DDX10: variants seen among roughly 807,000 people sequenced by gnomAD.
DDX10 encodes probable ATP-dependent RNA helicase DDX10.
In DDX10, 74 loss-of-function variants were observed where a neutral mutation model predicts 104.3. That is an observed-to-expected ratio of 0.71 (90% CI 0.59 to 0.86). DDX10 has a LOEUF of 0.86. DDX10 is among the 40% of genes least tolerant of loss of function. The pLI is 0.00. For missense variants in DDX10, 952 were observed against 1,040.0 expected, an observed-to-expected ratio of 0.92 and a Z score of 1.16; for synonymous variants, 351 against 353.4, an observed-to-expected ratio of 0.99 and a Z score of 0.08.
intron 15 of DDX10, among the ~76,000 whole-genome samples, chr11:108,848,607 A>C (rs972388209): frequency 6.6e-6 from 1 of 152,016 alleles, no homozygotes; most frequent in African/African-American, 2.4e-5. Flanking sequence ...TACTCTCATG[A>C]GCTTATAACA....
rs985313333 is a variant in DDX10, at chr11:108,671,944, C to G, written c.187-1523C>G. Among the ~76,000 whole-genome samples, 4 of 151,398 alleles carry G rather than the reference C, an allele frequency of 2.6e-5. No individual in the cohort carries two copies. In the East Asian group the frequency reaches 5.8e-4, roughly 22 times the overall value. On this transcript the variant is annotated intron_variant, in intron 1 of 17. Transcript: ENST00000322536. The stretch of plus-strand genomic sequence containing the variant: ...GGCGTGGTGGTGGGCGCCTGTAGCC[C>G]CAGCTACTTGGGAGGCTGAGGCAGG...
intron 13 of DDX10, among the ~76,000 whole-genome samples, chr11:108,774,932 A>G (rs1367084474): frequency 6.6e-6 from 1 of 152,174 alleles, no homozygotes; most frequent in African/African-American, 2.4e-5. Context: ...AGACATATCA[A>G]TTTATATGAC....
chr11:108,914,835 T>A (rs1351887139), intron 16 of DDX10, among the ~76,000 whole-genome samples: 4 of 144,324 alleles, frequency 2.8e-5, no homozygotes, highest in Admixed American at 6.9e-5. Flanking sequence ...TGGTAACCAT[T>A]AAAAAAAAAA....
chr11:108,731,832 C>G (rs2094312701), intron 13 of DDX10, among the ~76,000 whole-genome samples: 3 of 152,112 alleles, frequency 2.0e-5, no homozygotes, highest in Admixed American at 2.0e-4. Context: ...AAAATCAAAT[C>G]ATACATAAAA....
At position 108,838,580 on chromosome 11, in the gene DDX10, G is replaced by A. The variant is rs1046500751; in HGVS notation, c.2085+15G>A. 6.2e-7 allele frequency: 1 copy of A among 1,600,838 alleles called. No homozygotes were observed. The highest frequency in any genetic ancestry group is 8.5e-7 in the Non-Finnish European group (1 of 1,174,004). ...ATGAAGGGGAGGTAAGATTCTAGAAGTGTTTCATTTCTGAGGTGCATTTGG... is the reference window on the plus strand; with the variant it reads ...ATGAAGGGGAGGTAAGATTCTAGAAATGTTTCATTTCTGAGGTGCATTTGG... On this transcript the variant is annotated intron_variant, in intron 14 of 17. Coordinates refer to ENST00000322536, the MANE Select transcript of DDX10 (RefSeq NM_004398.4).
intron 13 of DDX10, among the ~76,000 whole-genome samples, chr11:108,803,795 A>ATAGGTTATTAT (rs1862059205): frequency 1.3e-5 from 2 of 152,286 alleles, no homozygotes; most frequent in South Asian, 4.1e-4. Flanking sequence ...TGTTGGTTAT[A>ATAGGTTATTAT]AAGTGATCTG....
rs543062068 is a variant in DDX10 at position 108,884,422 on chromosome 11, T to C, written c.2304+32213T>C. On this transcript the variant is annotated intron_variant, in intron 16 of 17. Coordinates refer to ENST00000322536, the MANE Select transcript of DDX10 (RefSeq NM_004398.4). ...GCACTCTGCCTGCTTCCCTCCTCCC[T>C]CCTTCGTTTCTCACCTTCTGCCTCT... Among the ~76,000 whole-genome samples, 3 of 152,150 alleles carry C rather than the reference T, an allele frequency of 2.0e-5. No homozygotes were observed. The South Asian group carries it at 6.2e-4, about 32-fold the overall frequency.
chr11:108,752,680 C>G lies in DDX10; in HGVS notation c.1965+29218C>G, dbSNP rs535104225. Among the ~76,000 whole-genome samples the G allele has an allele frequency of 3.3e-5, 5 of 152,226 alleles. 1 individual carries two copies. In the South Asian group the frequency reaches 1.0e-3, roughly 32 times the overall value. ...TGGTAGTAATTTATTGTGGAATAATCACAGTGGTATTTATTTGAGGTGGTT... is the reference window on the plus strand; with the variant it reads ...TGGTAGTAATTTATTGTGGAATAATGACAGTGGTATTTATTTGAGGTGGTT... On this transcript the variant is annotated intron_variant, in intron 13 of 17. Coordinates refer to ENST00000322536, the MANE Select transcript of DDX10 (RefSeq NM_004398.4).
intron 13 of DDX10, among the ~76,000 whole-genome samples, chr11:108,733,635 A>G (rs2094314963): frequency 1.3e-5 from 2 of 152,098 alleles, no homozygotes; most frequent in South Asian, 4.1e-4. Flanking sequence ...TTGCCTCGGT[A>G]TGATTGTGCT....
At chr11:108,717,830 G>A (rs1030373652) in intron 11 of DDX10, among the ~76,000 whole-genome samples, 1 of 152,092 alleles carries the variant, frequency 6.6e-6, no homozygotes, top group Non-Finnish European at 1.5e-5. Flanking sequence ...TGATTTGACT[G>A]TACAAATGGG....
chr11:108,689,207 C>A (rs1024326555), intron 7 of DDX10, 145 bp downstream of exon 7: 24 of 808,422 alleles, frequency 3.0e-5, no homozygotes, highest in Non-Finnish European at 3.9e-5. Flanking sequence ...GCAAAGGAAT[C>A]CGTGGCTGAG....
At chr11:108,740,413 G>A (rs947572788) in intron 13 of DDX10, among the ~76,000 whole-genome samples, 3 of 152,112 alleles carry the variant, frequency 2.0e-5, no homozygotes, top group Non-Finnish European at 2.9e-5. Flanking sequence ...TTGATTCCAT[G>A]TCTTTGCTAT....
intron 13 of DDX10, among the ~76,000 whole-genome samples, chr11:108,809,090 A>T (rs1007577010): frequency 1.3e-5 from 2 of 151,912 alleles, no homozygotes; most frequent in Non-Finnish European, 2.9e-5. Flanking sequence ...GGCAACTTTG[A>T]GTGATATATT....
chr11:108,820,026 G>A (rs1862305623), intron 13 of DDX10, among the ~76,000 whole-genome samples: 1 of 152,214 alleles, frequency 6.6e-6, no homozygotes, highest in Non-Finnish European at 1.5e-5. Context: ...GAAGAGTACA[G>A]CTTCAAAGCT....
intron 13 of DDX10, among the ~76,000 whole-genome samples, chr11:108,825,434 T>C (rs887287968): frequency 6.6e-6 from 1 of 152,230 alleles, no homozygotes; most frequent in Admixed American, 6.5e-5. Context: ...CCAGAAATCC[T>C]GAAGGAGGAA....
intron 16 of DDX10, among the ~76,000 whole-genome samples, chr11:108,907,286 G>A (rs1259882594): frequency 6.6e-6 from 1 of 150,630 alleles, no homozygotes; most frequent in Non-Finnish European, 1.5e-5. Context: ...TTACCTGTTT[G>A]TTCCTTGATA....
chr11:108,841,351 A>C lies in DDX10; in HGVS notation c.2122A>C (p.Ile708Leu), dbSNP rs201156444. 1 of 1,613,636 alleles carries C rather than the reference A, an allele frequency of 6.2e-7. No individual in the cohort carries two copies. Among genetic ancestry groups the C allele is most frequent in the Non-Finnish European group, 8.5e-7 (1 of 1,179,878 alleles). The change falls in exon 15 of 18, where the codon ATC (isoleucine) becomes CTC (leucine). Residue 708 changes from isoleucine to leucine, a missense_variant. This residue lies in a region of DDX10 where 533 missense variants were observed against 534.1 expected (regional missense o/e 1.00). Coordinates refer to ENST00000322536, the MANE Select transcript of DDX10 (RefSeq NM_004398.4). Reference sequence around the variant, plus strand: ...GTGGCCACAAATGCAGAAATCTGCCATCAAGGATGCTGAGGAAGATGATGA... The same window carrying C: ...GTGGCCACAAATGCAGAAATCTGCCCTCAAGGATGCTGAGGAAGATGATGA... ...QQWPQMQKSAIKDAEEDDDTG... is the reference protein window; with the variant it reads ...QQWPQMQKSALKDAEEDDDTG...
chr11:108,708,229 G>A (rs1591797182), intron 10 of DDX10, among the ~76,000 whole-genome samples: 1 of 135,838 alleles, frequency 7.4e-6, no homozygotes, highest in Non-Finnish European at 1.6e-5. Context: ...AAAAAAAAAA[G>A]ATCATGAGTG....
intron 9 of DDX10, among the ~76,000 whole-genome samples, chr11:108,705,832 A>G (rs1325546954): frequency 6.6e-6 from 1 of 152,204 alleles, no homozygotes; most frequent in Non-Finnish European, 1.5e-5. Flanking sequence ...CAAGTAGCAC[A>G]AGAAGCTTAG....
Sources: gnomAD v4.1 joint callset for allele counts (sites outside exome capture counted in the v4.1 genomes callset) on GRCh38, gnomAD v4.1.1 for gene constraint, gnomAD v4.1.1 regional missense constraint, MANE v1.5 for transcripts, NCBI Gene and HGNC (gene_info 2026-07-23, HGNC 2026-07-21) for gene names.